Variants in ATIC observed in about 807,000 individuals in gnomAD.
ATIC encodes the protein 5-aminoimidazole-4-carboxamide ribonucleotide formyltransferase/IMP cyclohydrolase, also known as bifunctional purine biosynthesis protein ATIC.
Under a neutral mutation model 72.5 loss-of-function variants are expected in ATIC, and 64 were observed. The ratio of observed to expected loss-of-function variants is 0.88; its 90% CI spans 0.72 to 1.09. ATIC has a LOEUF of 1.09. Among genes scored for constraint, ATIC ranks in the 50% least tolerant of loss-of-function variants. The probability of loss-of-function intolerance (pLI) is 0.00; values close to 1 mark genes in which losing one functional copy is unlikely to be tolerated. For missense variants in ATIC, 787 were observed against 732.4 expected, an observed-to-expected ratio of 1.07 and a Z score of -0.86; for synonymous variants, 281 against 267.1, an observed-to-expected ratio of 1.05 and a Z score of -0.51.
intron 3 of ATIC, among the ~76,000 whole-genome samples, chr2:215,318,742 G>A (rs1448726435): frequency 2.6e-5 from 4 of 152,152 alleles, no homozygotes; most frequent in African/African-American, 7.2e-5. Context: ...CAGATCATCA[G>A]ACAAGCCATT....
chr2:215,312,160 C>A lies in ATIC; in HGVS notation c.18C>A (p.Leu6=). ...CTGCAGCCATGGCTCCCGGCCAGCTCGGTGAGGCCCTAGCGGAGCGGCGCG... is the reference window on the plus strand; with the variant it reads ...CTGCAGCCATGGCTCCCGGCCAGCTAGGTGAGGCCCTAGCGGAGCGGCGCG... MAPGQ[L]ALFSVSDKTG... Residue 6 remains leucine, a splice_region_variant and synonymous_variant, in exon 1 of 16, where the codon CTC becomes CTA. Transcript: ENST00000236959. The A allele has an allele frequency of 1.3e-6, 2 of 1,520,610 alleles. No individual in the cohort carries two copies. The highest frequency in any genetic ancestry group is 1.8e-6 in the Non-Finnish European group (2 of 1,141,322). The allele number at this position is 1,520,610 out of a possible 1,614,324, so 94.2% of individuals were successfully genotyped here.
chr2:215,329,757 G>T (rs2052869168), intron 7 of ATIC, among the ~76,000 whole-genome samples: 1 of 151,944 alleles, frequency 6.6e-6, no homozygotes, highest in Non-Finnish European at 1.5e-5. Context: ...TATTTGAAGG[G>T]GAACCGGATA....
the ATIC span, among the ~76,000 whole-genome samples, chr2:215,355,111 T>C: frequency 6.6e-6 from 1 of 152,086 alleles, no homozygotes; most frequent in African/African-American, 2.4e-5. Flanking sequence ...GTGCCACCCC[T>C]CACATGCAAG....
intron 11 of ATIC, among the ~76,000 whole-genome samples, chr2:215,336,617 A>G (rs888858905): frequency 2.0e-5 from 3 of 152,202 alleles, no homozygotes; most frequent in African/African-American, 7.2e-5. Context: ...AAATATTTGC[A>G]TGTGCATTTC....
At chr2:215,325,845 C>G (rs1482334274) in intron 5 of ATIC, 142 bp from the exon 6 acceptor site, 1 of 1,013,114 alleles carries the variant, frequency 9.9e-7, no homozygotes, top group African/African-American at 1.6e-5. Flanking sequence ...GGATTCCAGG[C>G]ATGAGCCACT....
At chr2:215,362,071 G>A in the ATIC span, 1 of 1,613,730 alleles carries the variant, frequency 6.2e-7, no homozygotes, top group South Asian at 1.1e-5. Flanking sequence ...AGTTGTCACA[G>A]CGCCAGCCCT....
At chr2:215,353,195 T>C (rs2053143748), downstream of ATIC, among the ~76,000 whole-genome samples, 1 of 152,256 alleles carries the variant, frequency 6.6e-6, no homozygotes, top group Non-Finnish European at 1.5e-5. Context: ...TTGTATTCAA[T>C]TATTGATACA....
At position 215,332,502 on chromosome 2, in the gene ATIC, C is replaced by T. The variant is rs2052906916; in HGVS notation, c.809C>T (p.Pro270Leu). 3 of 1,614,096 alleles carry T rather than the reference C, an allele frequency of 1.9e-6. No homozygotes were observed. Among genetic ancestry groups the T allele is most frequent in the Non-Finnish European group, 2.5e-6 (3 of 1,180,032 alleles). ...GCTGCCTCTTTCAAACATGTCAGCC[C>T]AGCAGGTAAAGCTCTGTGCTCTGGA... Reference protein sequence around the residue: ...PAAASFKHVSPAGAAVGIPLS... With the variant: ...PAAASFKHVSLAGAAVGIPLS... The change falls in exon 8 of 16, where the codon CCA becomes CTA. Residue 270 changes from proline to leucine, a missense_variant. Pro to Leu is a moderately conservative substitution (Grantham distance 98, BLOSUM62 -3). Coordinates refer to ENST00000236959, the MANE Select transcript of ATIC (RefSeq NM_004044.7).
intron 14 of ATIC, chr2:215,348,613 A>C (rs1469204554): frequency 2.4e-6 from 1 of 409,898 alleles, no homozygotes; most frequent in Non-Finnish European, 4.7e-6. Flanking sequence ...TTCTAAAAGC[A>C]TCAAAGAGAT....
chr2:215,320,075 C>T (rs188322235), intron 4 of ATIC, among the ~76,000 whole-genome samples: 1 of 152,270 alleles, frequency 6.6e-6, no homozygotes, highest in East Asian at 1.9e-4. Flanking sequence ...CGAAATGCTT[C>T]AGTGAGCATT....
At chr2:215,352,547 A>C (rs1653285527), downstream of ATIC, among the ~76,000 whole-genome samples, 1 of 151,982 alleles carries the variant, frequency 6.6e-6, no homozygotes, top group Admixed American at 6.6e-5. Flanking sequence ...ACTCCACTGC[A>C]CTTCAGCCTG....
chr2:215,367,510 A>G, the ATIC span, among the ~76,000 whole-genome samples: 1 of 152,198 alleles, frequency 6.6e-6, no homozygotes, highest in Non-Finnish European at 1.5e-5. Flanking sequence ...TGAAGATTAA[A>G]AGAGATTTGA....
At chr2:215,358,537 A>G in the ATIC span, among the ~76,000 whole-genome samples, 1 of 152,232 alleles carries the variant, frequency 6.6e-6, no homozygotes. Context: ...CAGCTGACAC[A>G]AAGTAAGACA....
At position 215,338,802 on chromosome 2, in the gene ATIC, T is replaced by A. The variant is rs1422325802; in HGVS notation, c.1122T>A (p.Asp374Glu). ...VLQMDQSYKP[D>E]ENEVRTLFGL... Reference sequence around the variant, plus strand: ...AGATGGACCAATCTTACAAACCAGATGAAAATGAAGTTCGAACTCTCTTTG... The same window carrying A: ...AGATGGACCAATCTTACAAACCAGAAGAAAATGAAGTTCGAACTCTCTTTG... Residue 374 changes from aspartate to glutamate, a missense_variant, in exon 12 of 16, where the codon GAT becomes GAA. Coordinates refer to ENST00000236959, the MANE Select transcript of ATIC (RefSeq NM_004044.7). 3 of 1,613,830 alleles carry A rather than the reference T, an allele frequency of 1.9e-6. No individual in the cohort carries two copies. Among genetic ancestry groups the A allele is most frequent in the East Asian group, 4.5e-5 (2 of 44,802 alleles).
chr2:215,349,248 G>T lies in ATIC; in HGVS notation c.1658G>T (p.Arg553Met), dbSNP rs1398199190. The stretch of plus-strand genomic sequence containing the variant: ...CGAGATAACGTAGACAGAGCTAAAA[G>T]GGTAAGTATGGAATTGGGTGCATTT... ...PFRDNVDRAK[R>M]SGVAYIAAPS... The change falls in exon 15 of 16, where the codon AGG (arginine) becomes ATG (methionine). Residue 553 changes from arginine to methionine, a missense_variant and splice_region_variant. By Grantham distance (91) the Arg-to-Met change is moderately conservative. Coordinates refer to ENST00000236959, the MANE Select transcript of ATIC (RefSeq NM_004044.7). The T allele has an allele frequency of 6.2e-7, 1 of 1,614,120 alleles. No individual in the cohort carries two copies. The highest frequency in any genetic ancestry group is 8.5e-7 in the Non-Finnish European group (1 of 1,180,022).
chr2:215,315,302 C>T (rs757810358), intron 2 of ATIC, among the ~76,000 whole-genome samples: 4 of 152,154 alleles, frequency 2.6e-5, no homozygotes, highest in Non-Finnish European at 4.4e-5. Flanking sequence ...GAGAAATTCT[C>T]ATTTCTGTGA....
intron 5 of ATIC, 125 bp downstream of exon 5, chr2:215,325,454 G>T: frequency 1.4e-6 from 1 of 730,622 alleles, no homozygotes; most frequent in South Asian, 1.7e-5. Flanking sequence ...ATTGTGTTTT[G>T]GGATTACTAT....
At chr2:215,348,759 G>C (rs1295151882) in intron 14 of ATIC, 1 of 345,138 alleles carries the variant, frequency 2.9e-6, no homozygotes. Flanking sequence ...TCAAGAGATT[G>C]AGACCCTCCT....
Position 215,312,214 on chromosome 2 carries a change from G to T in ATIC, c.19+53G>T, listed in dbSNP as rs576804568. The T allele has an allele frequency of 1.1e-5, 16 of 1,468,018 alleles. No homozygotes were observed. In the South Asian group the frequency reaches 1.7e-4, roughly 16 times the overall value. The allele number at this position is 1,468,018 out of a possible 1,614,324, so 90.9% of individuals were successfully genotyped here. On this transcript the variant is annotated intron_variant, in intron 1 of 15. Coordinates refer to ENST00000236959, the MANE Select transcript of ATIC (RefSeq NM_004044.7). The stretch of plus-strand genomic sequence containing the variant: ...TGCGTCCTCGCCTGCGGCCCCCCAC[G>T]CTCCCGCCTTGGCGGCGGCCGGCGG...
Sources: allele counts gnomAD v4.1 joint callset (sites outside exome capture counted in the v4.1 genomes callset), GRCh38; gene constraint gnomAD v4.1.1; transcripts MANE v1.5; gene names NCBI Gene and HGNC (gene_info 2026-07-23, HGNC 2026-07-21).